Variants in NAA38 observed in about 807,000 individuals in gnomAD.
The protein encoded by NAA38 is N-alpha-acetyltransferase 38, NatC auxiliary subunit.
NAA38 carries 15 observed loss-of-function variants against 12.6 expected under a neutral mutation model. The ratio of observed to expected loss-of-function variants is 1.19; its 90% CI spans 0.79 to 1.83. NAA38 has a LOEUF of 1.83. Among genes scored for constraint, NAA38 ranks in the 40% most tolerant of loss-of-function variants. The pLI, the probability that NAA38 is intolerant of heterozygous loss-of-function variation, is 0.00. For synonymous variants in NAA38, 88 were observed against 69.9 expected, an observed-to-expected ratio of 1.26 and a Z score of -1.29; for missense variants, 183 against 171.7, an observed-to-expected ratio of 1.07 and a Z score of -0.37.
chr17:7,883,692 A>G (rs1007953501), intron 1 of NAA38, among the ~76,000 whole-genome samples: 6 of 152,210 alleles, frequency 3.9e-5, no homozygotes, highest in African/African-American at 1.4e-4. Flanking sequence ...TTTAAAAGAT[A>G]TGTACACAAT....
intron 2 of NAA38, among the ~76,000 whole-genome samples, chr17:7,871,412 T>C (rs1967083048): frequency 6.6e-6 from 1 of 152,248 alleles, no homozygotes; most frequent in Non-Finnish European, 1.5e-5. Flanking sequence ...ATCATCCTAT[T>C]GTTCATCTTT....
intron 3 of NAA38, chr17:7,866,427 G>C: frequency 8.3e-7 from 1 of 1,211,986 alleles, no homozygotes; most frequent in Non-Finnish European, 1.0e-6. Flanking sequence ...AACTTTTAAA[G>C]TTCCCATGTT....
At chr17:7,885,030 CGCCGCCGCCGCCGCCGCCACCGCT>C in intron 1 of NAA38, 1 of 1,114,828 alleles carries the variant, frequency 9.0e-7, no homozygotes, top group South Asian at 4.2e-5. Flanking sequence ...CTCTTCCCGC[CGCCGCCGCCGCCGCCGCCACCGCT>C]GCCCCCGCCG....
At chr17:7,876,070 T>G (rs1164474412) in intron 2 of NAA38, among the ~76,000 whole-genome samples, 1 of 152,242 alleles carries the variant, frequency 6.6e-6, no homozygotes, top group Non-Finnish European at 1.5e-5. Context: ...ACTTTTTGGC[T>G]ATTATGAATA....
chr17:7,866,668 T>A, intron 2 of NAA38: 1 of 446,262 alleles, frequency 2.2e-6, no homozygotes, highest in Non-Finnish European at 3.7e-6. Flanking sequence ...TAAAGTTGCT[T>A]AAATGACACT....
chr17:7,858,708 A>C, upstream of NAA38: 1 of 1,610,882 alleles, frequency 6.2e-7, no homozygotes, highest in East Asian at 2.2e-5. Context: ...GGACTGGGCC[A>C]ACGATTTTGG....
chr17:7,860,917 A>G (rs573301060), upstream of NAA38: 2 of 152,308 alleles, frequency 1.3e-5, no homozygotes, highest in African/African-American at 4.8e-5. Context: ...CCGGCAAATT[A>G]GTGACACTTT....
intron 1 of NAA38, 74 bp downstream of exon 1, chr17:7,857,309 G>A (rs1200470443): frequency 6.2e-7 from 1 of 1,612,442 alleles, no homozygotes; most frequent in East Asian, 2.2e-5. Context: ...AGGCTGCCGG[G>A]AGCTGCAGTT....
At chr17:7,880,772 A>T (rs1347697341) in intron 2 of NAA38, among the ~76,000 whole-genome samples, 3 of 152,202 alleles carry the variant, frequency 2.0e-5, no homozygotes, top group Non-Finnish European at 2.9e-5. Flanking sequence ...CATTTCAGTG[A>T]TGAAGCGACC....
chr17:7,880,500 T>C lies in NAA38; in HGVS notation c.-66+2735A>G, dbSNP rs530306380. ...GTTATAAAATGTCTCTAAGGTGGCA[T>C]GTGAGTGGAGCCAGAAGGCTTTAAT... is the stretch of plus-strand genomic sequence containing the variant. On this transcript the variant is annotated intron_variant, in intron 2 of 4. Transcript: ENST00000576861. Among the ~76,000 whole-genome samples, 3 of 152,346 alleles carry C rather than the reference T, an allele frequency of 2.0e-5. No individual in the cohort carries two copies. The East Asian group carries it at 5.8e-4, about 29-fold the overall frequency.
chr17:7,877,938 A>C (rs1967204184), intron 2 of NAA38, among the ~76,000 whole-genome samples: 1 of 152,182 alleles, frequency 6.6e-6, no homozygotes, highest in East Asian at 1.9e-4. Flanking sequence ...GTCTCTAACT[A>C]CTAACTTGAT....
chr17:7,856,960 C>G, intron 2 of NAA38, 55 bp downstream of exon 2: 1 of 1,587,078 alleles, frequency 6.3e-7, no homozygotes, highest in Non-Finnish European at 8.6e-7. Context: ...GGGGAAATGC[C>G]TTGCGTAAGG....
chr17:7,880,759 A>G (rs538811221), intron 2 of NAA38, among the ~76,000 whole-genome samples: 1 of 152,286 alleles, frequency 6.6e-6, no homozygotes, highest in South Asian at 2.1e-4. Context: ...CTTCTCCAAT[A>G]CACATTTCAG....
intron 2 of NAA38, among the ~76,000 whole-genome samples, chr17:7,874,292 T>C (rs546384412): frequency 1.2e-4 from 19 of 152,198 alleles, no homozygotes; most frequent in African/African-American, 4.1e-4. Context: ...AATTTAATAC[T>C]TCAAAAGGAA....
At chr17:7,872,619 G>A (rs188832141) in intron 2 of NAA38, among the ~76,000 whole-genome samples, 2 of 152,142 alleles carry the variant, frequency 1.3e-5, no homozygotes, top group Admixed American at 6.5e-5. Context: ...CCTCGGCCTC[G>A]CAAAGTGCTG....
chr17:7,878,267 CA>C (rs1300829657), intron 2 of NAA38, among the ~76,000 whole-genome samples: 3 of 151,446 alleles, frequency 2.0e-5, no homozygotes, highest in Non-Finnish European at 4.4e-5. Flanking sequence ...ATAGATATGG[CA>C]AATCATGAAT....
At chr17:7,861,587 C>G (rs1471574403), upstream of NAA38, 1 of 152,258 alleles carries the variant, frequency 6.6e-6, no homozygotes. Context: ...CTTCCAGAGA[C>G]TCCTACTTCA....
chr17:7,874,451 C>A (rs1326053652), intron 2 of NAA38, among the ~76,000 whole-genome samples: 1 of 152,078 alleles, frequency 6.6e-6, no homozygotes, highest in Non-Finnish European at 1.5e-5. Flanking sequence ...AGATGTCAGT[C>A]TTCAATGAAT....
At chr17:7,868,796 T>C (rs759451433) in intron 2 of NAA38, among the ~76,000 whole-genome samples, 1 of 152,212 alleles carries the variant, frequency 6.6e-6, no homozygotes, top group South Asian at 2.1e-4. Context: ...CTCTCATGAT[T>C]AGAAAATTAC....
Sources: allele counts gnomAD v4.1 joint callset (sites outside exome capture counted in the v4.1 genomes callset), GRCh38; gene constraint gnomAD v4.1.1; transcripts MANE v1.5; gene names NCBI Gene and HGNC (gene_info 2026-07-23, HGNC 2026-07-21).